PPP1R14C: variants seen among roughly 807,000 people sequenced by gnomAD.
The protein encoded by PPP1R14C is protein phosphatase 1 regulatory inhibitor subunit 14C, also known as protein phosphatase 1 regulatory subunit 14C.
A neutral mutation model predicts 20.4 loss-of-function variants in PPP1R14C; 16 were observed. That is an observed-to-expected ratio of 0.78 (90% CI 0.53 to 1.19). PPP1R14C has a LOEUF of 1.19. Among genes scored for constraint, PPP1R14C ranks in the 50% most tolerant of loss-of-function variants. PPP1R14C has a pLI of 0.00. For missense variants in PPP1R14C, 211 were observed against 220.1 expected (o/e 0.96, Z 0.26); for synonymous variants, 91 against 91.0 (o/e 1.00, Z 0.00).
At chr6:150,209,293 A>G (rs776806516) in intron 1 of PPP1R14C, among the ~76,000 whole-genome samples, 7 of 152,180 alleles carry the variant, frequency 4.6e-5, no homozygotes, top group African/African-American at 7.2e-5. Context: ...TTTAGCTTGA[A>G]CATTCCTGCC....
intron 1 of PPP1R14C, among the ~76,000 whole-genome samples, chr6:150,176,868 T>C (rs1449115832): frequency 2.0e-5 from 3 of 152,152 alleles, no homozygotes; most frequent in Non-Finnish European, 4.4e-5. Flanking sequence ...GGAGATGGGT[T>C]TTATACGGAT....
intron 1 of PPP1R14C, among the ~76,000 whole-genome samples, chr6:150,195,499 C>G (rs369508328): frequency 2.0e-5 from 3 of 152,170 alleles, no homozygotes; most frequent in Non-Finnish European, 4.4e-5. Flanking sequence ...AGGCACCCAC[C>G]ACCATGCCTG....
intron 1 of PPP1R14C, among the ~76,000 whole-genome samples, chr6:150,183,185 GA>G (rs1777640930): frequency 2.0e-5 from 3 of 149,724 alleles, no homozygotes; most frequent in Non-Finnish European, 3.0e-5. Flanking sequence ...ATTTGAAGGG[GA>G]TTTTTTTTTT....
At chr6:150,161,581 G>T (rs1003945672) in intron 1 of PPP1R14C, among the ~76,000 whole-genome samples, 6 of 152,150 alleles carry the variant, frequency 3.9e-5, no homozygotes, top group African/African-American at 1.4e-4. Context: ...ACAAACCTGT[G>T]GTTCCCACCA....
At chr6:150,218,793 C>T (rs1409266681) in intron 3 of PPP1R14C, among the ~76,000 whole-genome samples, 3 of 151,962 alleles carry the variant, frequency 2.0e-5, no homozygotes, top group Admixed American at 6.6e-5. Flanking sequence ...GTACTGCAGT[C>T]GTGCATTACC....
rs1026883217 is a variant in PPP1R14C, at chr6:150,249,969, C to T, written c.*1149C>T. Reference sequence around the variant, plus strand: ...GTTGAGGACTCTGGGTGCTCCTGGCCCTAATTGTGCACCCTGATCCCCGTG... The same window carrying T: ...GTTGAGGACTCTGGGTGCTCCTGGCTCTAATTGTGCACCCTGATCCCCGTG... On this transcript the variant is annotated 3_prime_UTR_variant, in exon 4 of 4. Coordinates refer to ENST00000361131, the MANE Select transcript of PPP1R14C (RefSeq NM_030949.3). 2 of 155,736 alleles carry T rather than the reference C, an allele frequency of 1.3e-5. No homozygotes were observed. Among genetic ancestry groups the T allele is most frequent in the African/African-American group, 4.8e-5 (2 of 41,600 alleles). The allele number at this position is 155,736 out of a possible 1,614,324, so 9.6% of individuals were successfully genotyped here. A position where few individuals can be genotyped will look rare whatever the true frequency, so the allele number is the denominator to read the frequency against.
rs188061946 is a variant in PPP1R14C at position 150,226,627 on chromosome 6, T to A, written c.423+9771T>A. On this transcript the variant is annotated intron_variant, in intron 3 of 3. Transcript: ENST00000361131. ...GAGTTGTCTAGTCAATGAGCTTTTT[T>A]AAAAAAATCTCTTTTTATAGCTGAA... Among the ~76,000 whole-genome samples, 456 of 152,240 alleles carry A rather than the reference T, an allele frequency of 3.0e-3. 1 individual carries two copies. Among genetic ancestry groups the A allele is most frequent in the Non-Finnish European group, 4.9e-3 (333 of 67,992 alleles).
intron 1 of PPP1R14C, among the ~76,000 whole-genome samples, chr6:150,205,286 T>A (rs1777934348): frequency 6.6e-6 from 1 of 152,142 alleles, no homozygotes; most frequent in Non-Finnish European, 1.5e-5. Flanking sequence ...GCAGCCTCAC[T>A]GAACTTCTGG....
chr6:150,190,709 G>A (rs1298711674), intron 1 of PPP1R14C, among the ~76,000 whole-genome samples: 2 of 152,144 alleles, frequency 1.3e-5, no homozygotes, highest in Non-Finnish European at 2.9e-5. Context: ...ACTGCGGTGA[G>A]CCACCACACC....
At chr6:150,200,583 T>C (rs984646750) in intron 1 of PPP1R14C, among the ~76,000 whole-genome samples, 25 of 152,180 alleles carry the variant, frequency 1.6e-4, no homozygotes, top group Non-Finnish European at 5.9e-5. Flanking sequence ...CCCCTGGCTC[T>C]CTTCCCTTTG....
intron 1 of PPP1R14C, among the ~76,000 whole-genome samples, chr6:150,162,910 G>A (rs1777386072): frequency 6.6e-6 from 1 of 152,182 alleles, no homozygotes; most frequent in African/African-American, 2.4e-5. Context: ...CTTTGAGGAA[G>A]TTCATTGCAT....
intron 3 of PPP1R14C, among the ~76,000 whole-genome samples, chr6:150,237,310 T>C (rs1344880360): frequency 6.6e-6 from 1 of 152,156 alleles, no homozygotes; most frequent in Admixed American, 6.5e-5. Context: ...TTCAAGTGAT[T>C]CTCCTGCTTC....
At chr6:150,233,957 C>T (rs1035824414) in intron 3 of PPP1R14C, among the ~76,000 whole-genome samples, 32 of 152,252 alleles carry the variant, frequency 2.1e-4, no homozygotes, top group South Asian at 8.3e-4. Flanking sequence ...TGGCAGTTCA[C>T]GTAACACACA....
chr6:150,231,355 G>A (rs1401834079), intron 3 of PPP1R14C, among the ~76,000 whole-genome samples: 2 of 152,258 alleles, frequency 1.3e-5, no homozygotes, highest in East Asian at 3.9e-4. Context: ...GAACATCCAA[G>A]GCCCACCCTT....
intron 1 of PPP1R14C, among the ~76,000 whole-genome samples, chr6:150,202,083 C>T (rs1345250022): frequency 6.6e-6 from 1 of 152,192 alleles, no homozygotes; most frequent in Non-Finnish European, 1.5e-5. Flanking sequence ...GCCCCGGGGG[C>T]CTGCCCTCTG....
chr6:150,244,207 T>C (rs1224593129), intron 3 of PPP1R14C, among the ~76,000 whole-genome samples: 1 of 152,094 alleles, frequency 6.6e-6, no homozygotes, highest in East Asian at 1.9e-4. Flanking sequence ...GTAGCCTCTT[T>C]CCCAACCATT....
intron 1 of PPP1R14C, among the ~76,000 whole-genome samples, chr6:150,147,809 C>T (rs1018157569): frequency 2.0e-5 from 3 of 152,160 alleles, no homozygotes; most frequent in African/African-American, 7.2e-5. Context: ...CTTATTATAC[C>T]TTTCAGTCTT....
chr6:150,194,568 G>A (rs1010260197), intron 1 of PPP1R14C: 8 of 976,970 alleles, frequency 8.2e-6, no homozygotes, highest in Non-Finnish European at 9.7e-6. Flanking sequence ...TCTACCAGTA[G>A]GATGCAAAAA....
chr6:150,211,088 T>G (rs1166164077), intron 1 of PPP1R14C, among the ~76,000 whole-genome samples: 1 of 152,194 alleles, frequency 6.6e-6, no homozygotes, highest in Non-Finnish European at 1.5e-5. Flanking sequence ...CCCTCCTGTG[T>G]GCAACTTCCC....
Sources: gnomAD v4.1 joint callset for allele counts (sites outside exome capture counted in the v4.1 genomes callset) on GRCh38, gnomAD v4.1.1 for gene constraint, MANE v1.5 for transcripts, NCBI Gene and HGNC (gene_info 2026-07-23, HGNC 2026-07-21) for gene names.